Variants in TMEM135 observed in about 807,000 individuals in gnomAD.
TMEM135 encodes the protein transmembrane protein 135.
A neutral mutation model predicts 60.3 loss-of-function variants in TMEM135; 30 were observed. That is an observed-to-expected ratio of 0.50 (90% CI 0.37 to 0.68). The LOEUF is 0.68. Ranked by LOEUF, TMEM135 falls within the 30% of genes least tolerant of loss-of-function variation. The probability of loss-of-function intolerance (pLI) is 0.00; values close to 1 mark genes in which losing one functional copy is unlikely to be tolerated. For synonymous variants in TMEM135, 190 were observed against 186.7 expected, an observed-to-expected ratio of 1.02 and a Z score of -0.14; for missense variants, 468 against 548.8, an observed-to-expected ratio of 0.85 and a Z score of 1.47.
chr11:87,170,068 G>C (rs1273178549), intron 5 of TMEM135, among the ~76,000 whole-genome samples: 1 of 150,170 alleles, frequency 6.7e-6, no homozygotes, highest in Non-Finnish European at 1.5e-5. Context: ...TTTTCCACTT[G>C]ATCAGTTTGG....
intron 4 of TMEM135, among the ~76,000 whole-genome samples, chr11:87,105,516 G>A (rs1057091781): frequency 1.3e-5 from 2 of 152,086 alleles, no homozygotes; most frequent in African/African-American, 2.4e-5. Context: ...GTTGGGGACC[G>A]CTGGCCTATC....
intron 3 of TMEM135, among the ~76,000 whole-genome samples, chr11:87,072,634 G>T (rs1590997038): frequency 6.6e-6 from 1 of 152,180 alleles, no homozygotes; most frequent in Non-Finnish European, 1.5e-5. Context: ...GCCCGCCTTG[G>T]CCTCCCAAAG....
At chr11:87,082,730 A>T (rs1335297333) in intron 3 of TMEM135, among the ~76,000 whole-genome samples, 1 of 152,236 alleles carries the variant, frequency 6.6e-6, no homozygotes, top group African/African-American at 2.4e-5. Context: ...TTGTCAATTG[A>T]AATGTGTACA....
chr11:87,149,643 T>C (rs1396710653), intron 4 of TMEM135, among the ~76,000 whole-genome samples: 1 of 152,202 alleles, frequency 6.6e-6, no homozygotes, highest in East Asian at 1.9e-4. Flanking sequence ...ACTTAGCCAG[T>C]AAAAACATGT....
chr11:87,146,627 A>G (rs1483790986), intron 4 of TMEM135, among the ~76,000 whole-genome samples: 2 of 152,048 alleles, frequency 1.3e-5, no homozygotes, highest in Admixed American at 6.5e-5. Context: ...ATATTTTTAC[A>G]TTTGAAAAGT....
intron 2 of TMEM135, among the ~76,000 whole-genome samples, chr11:87,069,029 C>T (rs548883401): frequency 6.8e-5 from 10 of 146,346 alleles, no homozygotes; most frequent in Middle Eastern, 3.7e-3. Flanking sequence ...GACGGCCGGG[C>T]GCGGTGGCTC....
intron 6 of TMEM135, among the ~76,000 whole-genome samples, chr11:87,237,242 A>G (rs147450798): frequency 1.5e-3 from 226 of 152,116 alleles, no homozygotes; most frequent in African/African-American, 5.3e-3. Flanking sequence ...AATGCCAGTA[A>G]GAGGGATTTC....
At chr11:87,150,236 GAAA>G (rs1198162261) in intron 4 of TMEM135, among the ~76,000 whole-genome samples, 1 of 132,430 alleles carries the variant, frequency 7.6e-6, no homozygotes, top group African/African-American at 2.8e-5. Flanking sequence ...AAAAAAAAAA[GAAA>G]AAAAGTGAAA....
intron 5 of TMEM135, among the ~76,000 whole-genome samples, chr11:87,170,881 T>C (rs941990154): frequency 6.6e-6 from 1 of 152,168 alleles, no homozygotes; most frequent in Admixed American, 6.5e-5. Flanking sequence ...TTGTGGAAGC[T>C]GGGCCCACAG....
intron 12 of TMEM135, among the ~76,000 whole-genome samples, chr11:87,316,279 T>C (rs1336264143): frequency 2.7e-5 from 4 of 150,672 alleles, no homozygotes; most frequent in Non-Finnish European, 5.9e-5. Flanking sequence ...TGTGTGTGTG[T>C]GTGTGTGAGA....
In TMEM135 at chr11:87,289,481, C is replaced by T. The variant is rs542056964; in HGVS notation, c.510-6301C>T. On this transcript the variant is annotated intron_variant, in intron 6 of 14. Coordinates refer to ENST00000305494, the MANE Select transcript of TMEM135 (RefSeq NM_022918.4). ...TTTTTTTTTTTGAGATGTAGTTTTG[C>T]TCTGTCACCCAGGCTGGAGTGCAGT... is the stretch of plus-strand genomic sequence containing the variant. 3.0e-3 allele frequency among the ~76,000 whole-genome samples: 256 copies of T among 85,218 alleles called. 1 individual carries two copies. The highest frequency in any genetic ancestry group is 0.013 in the African/African-American group (238 of 18,810). The allele number at this position is 85,218 out of a possible 152,430, so 55.9% of individuals were successfully genotyped here. A position where few individuals can be genotyped will look rare whatever the true frequency, so the allele number is the denominator to read the frequency against.
intron 6 of TMEM135, among the ~76,000 whole-genome samples, chr11:87,282,914 C>G (rs538659236): frequency 6.6e-6 from 1 of 152,132 alleles, no homozygotes; most frequent in East Asian, 1.9e-4. Context: ...GTTGACTCTC[C>G]CAATTTCTAT....
chr11:87,231,189 A>G (rs1381686412), intron 5 of TMEM135, among the ~76,000 whole-genome samples: 1 of 152,114 alleles, frequency 6.6e-6, no homozygotes, highest in Non-Finnish European at 1.5e-5. Context: ...TAGGCGGACC[A>G]TGCTGGATAG....
intron 6 of TMEM135, among the ~76,000 whole-genome samples, chr11:87,237,464 A>G (rs2135374661): frequency 6.6e-6 from 1 of 152,144 alleles, no homozygotes; most frequent in South Asian, 2.1e-4. Context: ...TCAAATTAAA[A>G]TCTGTGCTTA....
intron 4 of TMEM135, chr11:87,121,223 A>G (rs187158524): frequency 1.1e-4 from 16 of 152,300 alleles, no homozygotes; most frequent in Admixed American, 9.2e-4. Flanking sequence ...TTGATGGGGC[A>G]TATTTATTCA....
chr11:87,282,967 A>G (rs1647762033), intron 6 of TMEM135, among the ~76,000 whole-genome samples: 1 of 152,168 alleles, frequency 6.6e-6, no homozygotes, highest in African/African-American at 2.4e-5. Flanking sequence ...GAGAGGATGT[A>G]AGCTGGAGTA....
intron 6 of TMEM135, among the ~76,000 whole-genome samples, chr11:87,253,257 A>G (rs1457945893): frequency 6.6e-6 from 1 of 152,140 alleles, no homozygotes; most frequent in Non-Finnish European, 1.5e-5. Context: ...ATGAATATAA[A>G]TTGTTTTAGT....
intron 4 of TMEM135, among the ~76,000 whole-genome samples, chr11:87,109,010 A>G (rs1591025407): frequency 2.0e-5 from 3 of 152,204 alleles, no homozygotes; most frequent in Admixed American, 6.5e-5. Flanking sequence ...AATGTAATCT[A>G]TAGTAATAGA....
rs1169445902 is a variant in TMEM135 at position 87,320,705 on chromosome 11, T to C, written c.1245-496T>C. Among the ~76,000 whole-genome samples, 5 of 152,188 alleles carry C rather than the reference T, an allele frequency of 3.3e-5. No homozygotes were observed. In the East Asian group the frequency reaches 9.6e-4, roughly 29 times the overall value. ...ATTAAACATTTGAAAACCTATATGC[T>C]GTTTGCCTTTTAGTCATTAAATGTT... On this transcript the variant is annotated intron_variant, in intron 14 of 14. Coordinates refer to ENST00000305494, the MANE Select transcript of TMEM135 (RefSeq NM_022918.4).
Sources: allele counts gnomAD v4.1 joint callset (sites outside exome capture counted in the v4.1 genomes callset), GRCh38; gene constraint gnomAD v4.1.1; transcripts MANE v1.5; gene names NCBI Gene and HGNC (gene_info 2026-07-23, HGNC 2026-07-21).